Variants in TMEM45A observed in about 807,000 individuals in gnomAD.
The protein encoded by TMEM45A is DNA polymerase-transactivated protein 4.
TMEM45A carries 25 observed loss-of-function variants against 32.0 expected under a neutral mutation model. The observed-to-expected ratio is 0.78, with a 90% CI of 0.57 to 1.09. The LOEUF is 1.09. Among genes scored for constraint, TMEM45A ranks in the 50% least tolerant of loss-of-function variants. The pLI, the probability that TMEM45A is intolerant of heterozygous loss-of-function variation, is 0.00. For synonymous variants in TMEM45A, 122 were observed against 114.8 expected, an observed-to-expected ratio of 1.06 and a Z score of -0.40; for missense variants, 302 against 325.0, an observed-to-expected ratio of 0.93 and a Z score of 0.54.
At chr3:100,512,152 C>T (rs1431284616) in intron 1 of TMEM45A, among the ~76,000 whole-genome samples, 2 of 152,160 alleles carry the variant, frequency 1.3e-5, no homozygotes, top group African/African-American at 4.8e-5. Context: ...ACTCTCCACC[C>T]CAAATCAACA....
At chr3:100,557,005 C>T (rs542821053) in intron 3 of TMEM45A, 33 bp downstream of exon 3, 4 of 1,603,164 alleles carry the variant, frequency 2.5e-6, no homozygotes, top group Admixed American at 1.7e-5. Flanking sequence ...ATGTACCTTT[C>T]TCTATTAGTG....
intron 1 of TMEM45A, among the ~76,000 whole-genome samples, chr3:100,515,496 GA>G: frequency 9.2e-6 from 1 of 108,612 alleles, no homozygotes; most frequent in African/African-American, 3.5e-5. Context: ...GGGGAGGGGG[GA>G]GGGATAGCAT....
Position 100,534,102 on chromosome 3 carries a change from C to T in TMEM45A, c.-3-21107C>T, listed in dbSNP as rs115227129. ...CTTGGAACCTGAGTCTATAGAGATT[C>T]CTTTTATTCCTGTTCTCTTCTTCCC... On this transcript the variant is annotated intron_variant, in intron 1 of 5. Transcript: ENST00000323523. 6.0e-3 allele frequency among the ~76,000 whole-genome samples: 921 copies of T among 152,256 alleles called. 4 individuals carry two copies. The highest frequency in any genetic ancestry group is 0.011 in the Non-Finnish European group (718 of 68,026).
chr3:100,555,387 G>T lies in TMEM45A; in HGVS notation c.176G>T (p.Gly59Val). The change falls in exon 2 of 6, where the codon GGC (glycine) becomes GTC (valine). Residue 59 changes from glycine to valine, a missense_variant. Physicochemically the swap from Gly to Val is moderately radical, Grantham distance 109. Transcript: ENST00000323523. The part of the protein sequence containing the change: ...LEILEGITIV[G>V]MALTGMAGEQ... ...ATTTTGGAGGGAATTACAATAGTTG[G>T]CATGGCTTTAACTGGTGAGTGGACC... is the stretch of plus-strand genomic sequence containing the variant. The T allele has an allele frequency of 1.9e-6, 3 of 1,613,392 alleles. No individual in the cohort carries two copies. Among genetic ancestry groups the T allele is most frequent in the Non-Finnish European group, 2.5e-6 (3 of 1,179,600 alleles).
chr3:100,551,652 A>G (rs530763529), intron 1 of TMEM45A, among the ~76,000 whole-genome samples: 24 of 152,364 alleles, frequency 1.6e-4, no homozygotes, highest in Middle Eastern at 3.4e-3. Context: ...GTTTTCTTTC[A>G]CAATGAAAAT....
At chr3:100,560,938 A>G (rs1706319667) in intron 4 of TMEM45A, among the ~76,000 whole-genome samples, 1 of 152,188 alleles carries the variant, frequency 6.6e-6, no homozygotes, top group Non-Finnish European at 1.5e-5. Flanking sequence ...TTTCCCCCAA[A>G]AGCTTTTCTA....
At chr3:100,564,616 G>A (rs896363216) in intron 4 of TMEM45A, among the ~76,000 whole-genome samples, 2 of 152,038 alleles carry the variant, frequency 1.3e-5, no homozygotes, top group African/African-American at 4.8e-5. Flanking sequence ...CCCAAGAGCT[G>A]GGATTATAGG....
At position 100,575,363 on chromosome 3, in the gene TMEM45A, C is replaced by CTCTTTTTTTTTTTTTTTTTTTT. The variant is rs1706660425; in HGVS notation, c.735-1561_735-1560insCTTTTTTTTTTTTTTTTTTTTT. Among the ~76,000 whole-genome samples, 6 of 62,706 alleles carry CTCTTTTTTTTTTTTTTTTTTTT rather than the reference C, an allele frequency of 9.6e-5. 1 individual carries two copies. The highest frequency in any genetic ancestry group is 3.2e-4 in the African/African-American group (6 of 18,584). The allele number at this position is 62,706 out of a possible 152,430, so 41.1% of individuals were successfully genotyped here. ...TGCTTCCCCCAGGCCTATGGATTCTCTTTTTTTTTTTTTTTTTTTTTTTTT... is the reference window on the plus strand; with the variant it reads ...TGCTTCCCCCAGGCCTATGGATTCTCTCTTTTTTTTTTTTTTTTTTTTTTTTTTTTTTTTTTTTTTTTTTTTT... On this transcript the variant is annotated intron_variant, in intron 5 of 5. Transcript: ENST00000323523.
At chr3:100,509,034 G>A (rs1453081797) in intron 1 of TMEM45A, among the ~76,000 whole-genome samples, 1 of 152,104 alleles carries the variant, frequency 6.6e-6, no homozygotes, top group African/African-American at 2.4e-5. Context: ...GACAAACTTC[G>A]AATGGAAGAA....
intron 1 of TMEM45A, among the ~76,000 whole-genome samples, chr3:100,533,771 A>G (rs192404424): frequency 2.6e-5 from 4 of 152,300 alleles, no homozygotes; most frequent in African/African-American, 9.6e-5. Context: ...GTGTGGCAAG[A>G]ACTTTACTTG....
intron 4 of TMEM45A, among the ~76,000 whole-genome samples, chr3:100,566,204 A>G (rs530798437): frequency 6.6e-6 from 1 of 152,230 alleles, no homozygotes; most frequent in South Asian, 2.1e-4. Context: ...TCTTTTGACT[A>G]TTATTAATAG....
At position 100,556,968 on chromosome 3, in the gene TMEM45A, G is replaced by A; in HGVS notation, c.399G>A (p.Val133=). 1 of 1,614,104 alleles carries A rather than the reference G, an allele frequency of 6.2e-7. No individual in the cohort carries two copies. The highest frequency in any genetic ancestry group is 8.5e-7 in the Non-Finnish European group (1 of 1,179,978). The change falls in exon 3 of 6, where the codon GTG becomes GTA. Residue 133 remains valine, a synonymous_variant. Transcript: ENST00000323523. ...TAATGTTGTCAAATGCCTTATTTGT[G>A]GAGGGTAAGTGTTAGTGAGTATTTT... ...TKLMLSNALF[V]EAFIFYNHTH...
At chr3:100,570,034 C>T (rs1484865058) in intron 5 of TMEM45A, among the ~76,000 whole-genome samples, 3 of 152,198 alleles carry the variant, frequency 2.0e-5, no homozygotes, top group Non-Finnish European at 4.4e-5. Flanking sequence ...CATGAAGACT[C>T]CAGCACCTAA....
At chr3:100,536,650 C>A (rs1705744836) in intron 1 of TMEM45A, among the ~76,000 whole-genome samples, 1 of 152,144 alleles carries the variant, frequency 6.6e-6, no homozygotes, top group African/African-American at 2.4e-5. Flanking sequence ...GGCACTTATT[C>A]TTAAAAAAAC....
chr3:100,493,091 T>A (rs1475826088), intron 1 of TMEM45A, among the ~76,000 whole-genome samples, 163 bp downstream of exon 1: 1 of 151,594 alleles, frequency 6.6e-6, no homozygotes, highest in East Asian at 1.9e-4. Context: ...TTCACTAACA[T>A]TTTAATTTAA....
In TMEM45A at chr3:100,541,974, A is replaced by T. The variant is rs567134153; in HGVS notation, c.-3-13235A>T. On this transcript the variant is annotated intron_variant, in intron 1 of 5. Transcript: ENST00000323523. Reference sequence around the variant, plus strand: ...TTAGATGACTGTACATGCATGTTTTATTTCTGTGTTCTCTATTTTGTTCCA... The same window carrying T: ...TTAGATGACTGTACATGCATGTTTTTTTTCTGTGTTCTCTATTTTGTTCCA... 9.1e-4 allele frequency among the ~76,000 whole-genome samples: 138 copies of T among 151,080 alleles called. 1 individual carries two copies. The highest frequency in any genetic ancestry group is 6.9e-3 in the South Asian group (33 of 4,786).
In TMEM45A at chr3:100,556,807, T is replaced by G. The variant is rs145089882; in HGVS notation, c.238T>G (p.Tyr80Asp). Residue 80 changes from tyrosine (Y) to aspartate (D), a missense_variant, in exon 3 of 6, where the codon TAT becomes GAT. Physicochemically the swap from Tyr to Asp is radical, Grantham distance 160. Transcript: ENST00000323523. Reference sequence around the variant, plus strand: ...TCCTGGAGGGCCCCATCTGATGTTATATGACTATAAACAAGGTCACTGGAA... The same window carrying G: ...TCCTGGAGGGCCCCATCTGATGTTAGATGACTATAAACAAGGTCACTGGAA... Reference protein sequence around the residue: ...FIPGGPHLMLYDYKQGHWNQL... With the variant: ...FIPGGPHLMLDDYKQGHWNQL... 6.2e-7 allele frequency: 1 copy of G among 1,613,972 alleles called. No individual in the cohort carries two copies. Among genetic ancestry groups the G allele is most frequent in the African/African-American group, 1.3e-5 (1 of 74,922 alleles).
intron 1 of TMEM45A, among the ~76,000 whole-genome samples, chr3:100,504,029 A>G (rs1708045284): frequency 6.6e-6 from 1 of 152,180 alleles, no homozygotes; most frequent in Non-Finnish European, 1.5e-5. Flanking sequence ...CAGAGGTGTC[A>G]CTGGGTGCTC....
At chr3:100,576,456 A>C (rs191108637) in intron 5 of TMEM45A, among the ~76,000 whole-genome samples, 1 of 151,020 alleles carries the variant, frequency 6.6e-6, no homozygotes, top group African/African-American at 2.4e-5. Context: ...AACTCCGTTT[A>C]AAAAAAAATA....
Sources: allele counts gnomAD v4.1 joint callset (sites outside exome capture counted in the v4.1 genomes callset), GRCh38; gene constraint gnomAD v4.1.1; transcripts MANE v1.5; gene names NCBI Gene and HGNC (gene_info 2026-07-23, HGNC 2026-07-21).